The following ZNF462 variants were observed in gnomAD, a reference collection of about 807,000 sequenced individuals.
ZNF462 encodes zinc finger PBX1-interacting protein.
A neutral mutation model predicts 201.9 loss-of-function variants in ZNF462; 10 were observed. That is an observed-to-expected ratio of 0.05 (90% CI 0.03 to 0.08). The LOEUF (loss-of-function observed/expected upper bound fraction) is 0.08. Ranked by LOEUF, ZNF462 falls within the 10% of genes least tolerant of loss-of-function variation. ZNF462 has a pLI of 1.00. For missense variants in ZNF462, 2,523 were observed against 3,168.3 expected (o/e 0.80, Z 4.89); for synonymous variants, 1,227 against 1,193.3 (o/e 1.03, Z -0.58).
chr9:106,952,346 A>T (rs1247785452), intron 7 of ZNF462, among the ~76,000 whole-genome samples: 1 of 152,226 alleles, frequency 6.6e-6, no homozygotes, highest in African/African-American at 2.4e-5. Context: ...AAATTACTGT[A>T]GAAATAGTAG....
chr9:106,989,192 A>G (rs1187280610), intron 10 of ZNF462, among the ~76,000 whole-genome samples: 1 of 152,052 alleles, frequency 6.6e-6, no homozygotes, highest in African/African-American at 2.4e-5. Flanking sequence ...GGTGGCTTTT[A>G]TTACATTAAG....
chr9:106,953,912 A>C (rs1831465577), intron 7 of ZNF462, among the ~76,000 whole-genome samples: 1 of 152,136 alleles, frequency 6.6e-6, no homozygotes, highest in Non-Finnish European at 1.5e-5. Flanking sequence ...CCCACGTTCC[A>C]TCAACCAGTC....
chr9:106,869,548 T>C (rs1476777639), intron 1 of ZNF462, among the ~76,000 whole-genome samples: 1 of 152,220 alleles, frequency 6.6e-6, no homozygotes, highest in Non-Finnish European at 1.5e-5. Context: ...TCCAAACGAA[T>C]GCATCAATTT....
chr9:106,977,050 AGGTCAGAGGG>A lies in ZNF462; in HGVS notation c.6832+2779_6832+2788del, dbSNP rs1242040790. On this transcript the variant is annotated intron_variant, in intron 9 of 12. Coordinates refer to ENST00000277225, the MANE Select transcript of ZNF462 (RefSeq NM_021224.6). This position sits in a 1 kb window ranked among gnomAD's most constrained non-coding sequence, Gnocchi z 4.6. ...AGTTCAAAGACAGAATTATCAGAGGAGGTCAGAGGGGAAGTCCACGGATCCACAGGCAGCA... is the reference window on the plus strand; with the variant it reads ...AGTTCAAAGACAGAATTATCAGAGGAGAAGTCCACGGATCCACAGGCAGCA... Among the ~76,000 whole-genome samples, 2 of 152,094 alleles carry A rather than the reference AGGTCAGAGGG, an allele frequency of 1.3e-5. No individual in the cohort carries two copies. Among genetic ancestry groups the A allele is most frequent in the Non-Finnish European group, 2.9e-5 (2 of 68,032 alleles).
rs1828034296 is a variant in ZNF462, at chr9:106,880,295, T to C, written c.-31+16940T>C. Among the ~76,000 whole-genome samples the C allele has an allele frequency of 6.6e-6, 1 of 152,264 alleles. No homozygotes were observed. Among genetic ancestry groups the C allele is most frequent in the Non-Finnish European group, 1.5e-5 (1 of 68,044 alleles). On this transcript the variant is annotated intron_variant, in intron 1 of 12. Transcript: ENST00000277225. The surrounding 1 kb of genome is among the most constrained non-coding windows in gnomAD (Gnocchi z 4.1). ...ATCAGCTCATGATTCTGTCTGGGCCTGTGCAGTCCAGGAGCTGGGACAGAC... is the reference window on the plus strand; with the variant it reads ...ATCAGCTCATGATTCTGTCTGGGCCCGTGCAGTCCAGGAGCTGGGACAGAC...
rs772275625 is a variant in ZNF462 at position 106,884,944 on chromosome 9, A to G, written c.-31+21589A>G. 7.3e-4 allele frequency among the ~76,000 whole-genome samples: 111 copies of G among 152,198 alleles called. 1 individual carries two copies. The highest frequency in any genetic ancestry group is 5.0e-3 in the Admixed American group (76 of 15,284). On this transcript the variant is annotated intron_variant, in intron 1 of 12. Coordinates refer to ENST00000277225, the MANE Select transcript of ZNF462 (RefSeq NM_021224.6). The stretch of plus-strand genomic sequence containing the variant: ...ATGCCTGATGTGTAGTTGATCATCA[A>G]TGCTTATTAGTGAATGACTGAGCCA...
At position 106,872,199 on chromosome 9, in the gene ZNF462, G is replaced by T. The variant is rs898768111; in HGVS notation, c.-31+8844G>T. Among the ~76,000 whole-genome samples the T allele has an allele frequency of 2.0e-5, 3 of 152,182 alleles. No individual in the cohort carries two copies. The highest frequency in any genetic ancestry group is 7.2e-5 in the African/African-American group (3 of 41,454). The stretch of plus-strand genomic sequence containing the variant: ...CCTTCGTTTGGGGTACAATTTGAAT[G>T]CTGGGTTATAGCTGAAGATGACCAA... On this transcript the variant is annotated intron_variant, in intron 1 of 12. Transcript: ENST00000277225. This position sits in a 1 kb window ranked among gnomAD's most constrained non-coding sequence, Gnocchi z 4.5.
At chr9:106,882,496 T>C (rs1251463151) in intron 1 of ZNF462, among the ~76,000 whole-genome samples, 4 of 152,210 alleles carry the variant, frequency 2.6e-5, no homozygotes, top group Admixed American at 6.5e-5. Flanking sequence ...CAAAGAAAAC[T>C]ACCCATCTCT....
At position 106,864,080 on chromosome 9, in the gene ZNF462, CT is replaced by C. The variant is rs1564062531; in HGVS notation, c.-31+726del. Among the ~76,000 whole-genome samples the C allele has an allele frequency of 2.6e-3, 360 of 138,128 alleles. 13 individuals are homozygous for C. The highest frequency in any genetic ancestry group is 4.2e-3 in the Non-Finnish European group (263 of 63,350). 90.6% of individuals were successfully genotyped at this position (138,128 alleles called of 152,430 possible). ...TCTCTCTCTCTCTCTCTCTCTCTCT[CT>C]CTCTCTCTCTCTCTCTCTCTCTCTC... On this transcript the variant is annotated intron_variant, in intron 1 of 12. Coordinates refer to ENST00000277225, the MANE Select transcript of ZNF462 (RefSeq NM_021224.6).
rs1830448823 is a variant in ZNF462, at chr9:106,932,117, G to A, written c.6013-329G>A. 4.7e-6 allele frequency: 6 copies of A among 1,272,336 alleles called. No individual in the cohort carries two copies. Among genetic ancestry groups the A allele is most frequent in the East Asian group, 5.1e-5 (2 of 39,494 alleles). 78.8% of individuals were successfully genotyped at this position (1,272,336 alleles called of 1,614,324 possible). On this transcript the variant is annotated intron_variant, in intron 4 of 12. Coordinates refer to ENST00000277225, the MANE Select transcript of ZNF462 (RefSeq NM_021224.6). The surrounding 1 kb of genome is among the most constrained non-coding windows in gnomAD (Gnocchi z 6.8). ...GGCAGTTGGGCTTGCTCTCCCTCTAGGGGTAGCTGGAGAGGCAGGGGAGGA... is the reference window on the plus strand; with the variant it reads ...GGCAGTTGGGCTTGCTCTCCCTCTAAGGGTAGCTGGAGAGGCAGGGGAGGA...
Position 106,917,840 on chromosome 9 carries a change from A to AT in ZNF462, c.-30-5507dup, listed in dbSNP as rs1023627462. Among the ~76,000 whole-genome samples, 12 of 149,592 alleles carry AT rather than the reference A, an allele frequency of 8.0e-5. No homozygotes were observed. The highest frequency in any genetic ancestry group is 2.5e-4 in the African/African-American group (10 of 40,652). Reference sequence around the variant, plus strand: ...TGTTGGTTTATTTTGCTGGTTTATTATTTTTTTATATTTATTTATTTATTT... The same window carrying AT: ...TGTTGGTTTATTTTGCTGGTTTATTATTTTTTTTATATTTATTTATTTATTT... On this transcript the variant is annotated intron_variant, in intron 1 of 12. Coordinates refer to ENST00000277225, the MANE Select transcript of ZNF462 (RefSeq NM_021224.6). This position sits in a 1 kb window ranked among gnomAD's most constrained non-coding sequence, Gnocchi z 4.5.
chr9:106,973,539 C>T (rs192801910), intron 8 of ZNF462, among the ~76,000 whole-genome samples: 4 of 152,292 alleles, frequency 2.6e-5, no homozygotes, highest in Admixed American at 2.6e-4. Flanking sequence ...AGGGTCCCTG[C>T]CCATTAAAGT....
In ZNF462 at chr9:106,926,560, G is replaced by A. The variant is rs779415404; in HGVS notation, c.2648G>A (p.Ser883Asn). Reference protein sequence around the residue: ...FRYILDPNDHSAVYRCLECYI... With the variant: ...FRYILDPNDHNAVYRCLECYI... ...TACATCTTGGACCCCAATGATCACA[G>A]TGCAGTGTACAGGTGCCTGGAATGC... The change falls in exon 3 of 13, where the codon AGT becomes AAT. Residue 883 changes from serine to asparagine, a missense_variant. Around this residue, in one of 15 missense-constraint regions of ZNF462, gnomAD observed 280 missense variants for 321.3 expected, o/e 0.87. Transcript: ENST00000277225. This position sits in a 1 kb window ranked among gnomAD's most constrained non-coding sequence, Gnocchi z 7.9. 6.2e-7 allele frequency: 1 copy of A among 1,614,148 alleles called. No homozygotes were observed. Among genetic ancestry groups the A allele is most frequent in the Non-Finnish European group, 8.5e-7 (1 of 1,180,030 alleles).
intron 10 of ZNF462, among the ~76,000 whole-genome samples, chr9:107,002,359 T>G (rs1379063854): frequency 6.6e-6 from 1 of 152,140 alleles, no homozygotes; most frequent in East Asian, 1.9e-4. Context: ...ACACCTTACA[T>G]AGAAGGCGTA....
intron 1 of ZNF462, among the ~76,000 whole-genome samples, chr9:106,875,386 A>T (rs529714123): frequency 6.6e-6 from 1 of 152,310 alleles, no homozygotes; most frequent in African/African-American, 2.4e-5. Flanking sequence ...ATTGTTATTT[A>T]CCTCAGCACA....
At chr9:106,969,140 T>A (rs958012281) in intron 7 of ZNF462, among the ~76,000 whole-genome samples, 5 of 152,120 alleles carry the variant, frequency 3.3e-5, no homozygotes, top group Non-Finnish European at 7.4e-5. Context: ...ATCCAAAAAG[T>A]TGTAACCTGG....
In ZNF462 at chr9:106,938,782, G is replaced by A; in HGVS notation, c.6236-134G>A. 1 of 897,092 alleles carries A rather than the reference G, an allele frequency of 1.1e-6. No individual in the cohort carries two copies. The highest frequency in any genetic ancestry group is 2.1e-5 in the South Asian group (1 of 48,278). The allele number at this position is 897,092 out of a possible 1,614,324, so 55.6% of individuals were successfully genotyped here. A position where few individuals can be genotyped will look rare whatever the true frequency, so the allele number is the denominator to read the frequency against. ...TTGTGGCAGGTTGTTGGTCTGTGAGGTTCGTTCATAGAACATGAAGCTTGA... is the reference window on the plus strand; with the variant it reads ...TTGTGGCAGGTTGTTGGTCTGTGAGATTCGTTCATAGAACATGAAGCTTGA... On this transcript the variant is annotated intron_variant, in intron 6 of 12. Coordinates refer to ENST00000277225, the MANE Select transcript of ZNF462 (RefSeq NM_021224.6). This position sits in a 1 kb window ranked among gnomAD's most constrained non-coding sequence, Gnocchi z 4.4.
intron 10 of ZNF462, among the ~76,000 whole-genome samples, chr9:106,999,192 A>G (rs902564175): frequency 7.2e-5 from 11 of 152,158 alleles, no homozygotes; most frequent in African/African-American, 2.2e-4. Flanking sequence ...GGAAATGATA[A>G]TAAACTGCTT....
At position 107,010,707 on chromosome 9, in the gene ZNF462, A is replaced by G. The variant is rs1455985873; in HGVS notation, c.7314-116A>G. The G allele has an allele frequency of 2.9e-6, 3 of 1,039,190 alleles. No individual in the cohort carries two copies. Among genetic ancestry groups the G allele is most frequent in the African/African-American group, 3.2e-5 (2 of 61,814 alleles). The allele number at this position is 1,039,190 out of a possible 1,614,324, so 64.4% of individuals were successfully genotyped here. ...ATGGCATTTGTTCAAAGGAAACCCC[A>G]AGGCTTTTTGAGGATCAGGAAAATA... On this transcript the variant is annotated intron_variant, in intron 12 of 12. Transcript: ENST00000277225. This position sits in a 1 kb window ranked among gnomAD's most constrained non-coding sequence, Gnocchi z 4.6.
Sources: allele counts gnomAD v4.1 joint callset (sites outside exome capture counted in the v4.1 genomes callset), GRCh38; gene constraint gnomAD v4.1.1; regional missense constraint gnomAD v4.1.1; non-coding constraint Gnocchi (gnomAD v3.1); transcripts MANE v1.5; gene names NCBI Gene and HGNC (gene_info 2026-07-23, HGNC 2026-07-21).